The following GRM4 variants were observed in gnomAD, a reference collection of about 807,000 sequenced individuals.
GRM4 encodes glutamate metabotropic receptor 4, also known as metabotropic glutamate receptor 4.
Under a neutral mutation model 81.7 loss-of-function variants are expected in GRM4, and 28 were observed. The observed-to-expected ratio is 0.34, with a 90% CI of 0.25 to 0.47. The LOEUF (loss-of-function observed/expected upper bound fraction) is 0.47. GRM4 is among the 20% of genes least tolerant of loss of function. GRM4 has a pLI of 1.00. For synonymous variants in GRM4, 488 were observed against 528.8 expected (o/e 0.92, Z 1.06); for missense variants, 948 against 1,290.0 (o/e 0.73, Z 4.06).
At position 34,028,174 on chromosome 6, in the gene GRM4, A is replaced by C; in HGVS notation, c.2635T>G (p.Phe879Val). 1 of 1,614,034 alleles carries C rather than the reference A, an allele frequency of 6.2e-7. No homozygotes were observed. The highest frequency in any genetic ancestry group is 1.1e-5 in the South Asian group (1 of 91,090). ...GACTTGGCCTCTCCGTTGGGCCGGAAGTTGCCCTTCTGCGTGAACTTGTTG... is the reference window on the plus strand; with the variant it reads ...GACTTGGCCTCTCCGTTGGGCCGGACGTTGCCCTTCTGCGTGAACTTGTTG... ...MSNKFTQKGN[F>V]RPNGEAKSEL... The change falls in exon 10 of 11, where the codon TTC becomes GTC. Residue 879 changes from phenylalanine to valine, a missense_variant. By Grantham distance (50) the Phe-to-Val change is conservative. Coordinates refer to ENST00000538487, the MANE Select transcript of GRM4 (RefSeq NM_000841.4).
At chr6:34,145,350 G>A (rs1050744940) in intron 1 of GRM4, among the ~76,000 whole-genome samples, 1 of 152,102 alleles carries the variant, frequency 6.6e-6, no homozygotes, top group Non-Finnish European at 1.5e-5. Flanking sequence ...GCGAGCAAGC[G>A]AGAGGGAGAT....
At chr6:34,073,599 C>G (rs1374433908) in intron 3 of GRM4, among the ~76,000 whole-genome samples, 1 of 152,138 alleles carries the variant, frequency 6.6e-6, no homozygotes, top group Non-Finnish European at 1.5e-5. Context: ...CATGGCCAAC[C>G]CTGCTCCATT....
chr6:34,151,343 T>G (rs1233565077), intron 1 of GRM4, among the ~76,000 whole-genome samples: 1 of 152,328 alleles, frequency 6.6e-6, no homozygotes, highest in South Asian at 2.1e-4. Context: ...TCCCTGTCTC[T>G]TTTTTCTTAA....
Position 34,152,138 on chromosome 6 carries a change from C to T in GRM4, c.312+2941G>A, listed in dbSNP as rs114162049. Among the ~76,000 whole-genome samples, 720 of 152,254 alleles carry T rather than the reference C, an allele frequency of 4.7e-3. 7 individuals carry two copies. Among genetic ancestry groups the T allele is most frequent in the East Asian group, 0.015 (79 of 5,160 alleles). The stretch of plus-strand genomic sequence containing the variant: ...CCCCTCTGTCAATGTCCCCCTACCA[C>T]ACTCTAGCCTTGGTTCTACTTAGGA... On this transcript the variant is annotated intron_variant, in intron 1 of 8. Transcript: ENST00000374177. The surrounding 1 kb of genome is among the most constrained non-coding windows in gnomAD (Gnocchi z 4.1).
At chr6:34,124,072 G>C (rs1769922399) in intron 2 of GRM4, among the ~76,000 whole-genome samples, 1 of 152,210 alleles carries the variant, frequency 6.6e-6, no homozygotes, top group South Asian at 2.1e-4. Flanking sequence ...CCACTTTATA[G>C]GTGAGGAAAC....
intron 3 of GRM4, among the ~76,000 whole-genome samples, chr6:34,072,011 CAG>C (rs1477046284): frequency 8.7e-4 from 1 of 1,156 alleles, no homozygotes; most frequent in East Asian, 0.016. Context: ...ACACACCACA[CAG>C]AGACACACAC....
chr6:34,074,550 T>C lies in GRM4; in HGVS notation c.737-12522A>G, dbSNP rs1208043331. ...GCCGTCCCCTGCCAGGAGAGGAGGC[T>C]GCTGGGCGGCGCAGGCAGTGTGGCT... is the stretch of plus-strand genomic sequence containing the variant. On this transcript the variant is annotated intron_variant, in intron 3 of 10. Coordinates refer to ENST00000538487, the MANE Select transcript of GRM4 (RefSeq NM_000841.4). The surrounding 1 kb of genome is among the most constrained non-coding windows in gnomAD (Gnocchi z 4.9). Among the ~76,000 whole-genome samples the C allele has an allele frequency of 7.3e-6, 1 of 137,862 alleles. No homozygotes were observed. The highest frequency in any genetic ancestry group is 1.5e-5 in the Non-Finnish European group (1 of 65,366). The allele number at this position is 137,862 out of a possible 152,430, so 90.4% of individuals were successfully genotyped here.
At chr6:34,079,367 G>T (rs889947132) in intron 3 of GRM4, among the ~76,000 whole-genome samples, 1 of 152,096 alleles carries the variant, frequency 6.6e-6, no homozygotes, top group African/African-American at 2.4e-5. Context: ...CCCGACTCCT[G>T]CCTGGCCTTC....
intron 3 of GRM4, among the ~76,000 whole-genome samples, chr6:34,073,797 G>A (rs1217013050): frequency 6.6e-6 from 1 of 152,122 alleles, no homozygotes; most frequent in Non-Finnish European, 1.5e-5. Flanking sequence ...TTCCCACGGA[G>A]GCCCTGCGAG....
intron 2 of GRM4, among the ~76,000 whole-genome samples, chr6:34,107,528 C>T (rs144772108): frequency 2.0e-5 from 3 of 152,220 alleles, no homozygotes; most frequent in East Asian, 1.9e-4. Context: ...GATGAGAGCC[C>T]GGAACAAGGT....
intron 8 of GRM4, among the ~76,000 whole-genome samples, chr6:34,039,929 A>G (rs1043664945): frequency 2.6e-5 from 4 of 152,120 alleles, no homozygotes; most frequent in African/African-American, 9.7e-5. Flanking sequence ...GCAGGCAAGA[A>G]GGCCCCAGGC....
At chr6:34,087,566 G>C (rs939401391) in intron 3 of GRM4, among the ~76,000 whole-genome samples, 5 of 151,986 alleles carry the variant, frequency 3.3e-5, no homozygotes, top group African/African-American at 1.2e-4. Context: ...TCCAGCCCTG[G>C]TGATGCTGCA....
intron 3 of GRM4, among the ~76,000 whole-genome samples, chr6:34,082,603 A>C (rs1767662498): frequency 6.6e-6 from 1 of 152,228 alleles, no homozygotes; most frequent in Admixed American, 6.5e-5. Context: ...ACCAGAACTC[A>C]GCCCGCCTCC....
intron 3 of GRM4, among the ~76,000 whole-genome samples, chr6:34,067,214 G>A (rs545809609): frequency 6.4e-4 from 97 of 152,254 alleles, no homozygotes; most frequent in Non-Finnish European, 1.2e-3. Flanking sequence ...CAGTCTCTCC[G>A]TCCTTTCCAT....
In GRM4 at chr6:34,133,280, CCTT is replaced by C. The variant is rs1487342633; in HGVS notation, c.214_216del (p.Lys72del). On this transcript the variant is annotated inframe_deletion, in exon 2 of 11. Coordinates refer to ENST00000538487, the MANE Select transcript of GRM4 (RefSeq NM_000841.4). The surrounding 1 kb of genome is among the most constrained non-coding windows in gnomAD (Gnocchi z 6.5). ...GCCTCCAGCCGGTGGATGCCCTTTT[CCTT>C]CTTAAGTTCTCCACAGGGCTTGCCC... 1.2e-6 allele frequency: 2 copies of C among 1,614,044 alleles called. No individual in the cohort carries two copies. The highest frequency in any genetic ancestry group is 1.7e-6 in the Non-Finnish European group (2 of 1,180,032).
chr6:34,101,084 T>C (rs1768812528), intron 2 of GRM4, among the ~76,000 whole-genome samples: 1 of 152,192 alleles, frequency 6.6e-6, no homozygotes. Context: ...ATGACTCTTA[T>C]TTATTTCCAC....
intron 1 of GRM4, among the ~76,000 whole-genome samples, chr6:34,134,096 A>G (rs899879236): frequency 2.6e-5 from 4 of 152,148 alleles, no homozygotes; most frequent in African/African-American, 7.2e-5. Context: ...ACCCACTGCT[A>G]TCAGTAGCCC....
intron 1 of GRM4, among the ~76,000 whole-genome samples, chr6:34,154,365 A>C (rs968401918): frequency 1.3e-5 from 2 of 151,978 alleles, no homozygotes; most frequent in Non-Finnish European, 1.5e-5. Context: ...CGGCACCCAA[A>C]AGCCCCCTCC....
At chr6:34,150,762 G>C (rs1771029258), upstream of GRM4, among the ~76,000 whole-genome samples, 1 of 152,224 alleles carries the variant, frequency 6.6e-6, no homozygotes, top group South Asian at 2.1e-4. Flanking sequence ...CAGGAAAACT[G>C]CTTCTTCCTT....
Sources: gnomAD v4.1 joint callset for allele counts (sites outside exome capture counted in the v4.1 genomes callset) on GRCh38, gnomAD v4.1.1 for gene constraint, Gnocchi (gnomAD v3.1) non-coding constraint, MANE v1.5 for transcripts, NCBI Gene and HGNC (gene_info 2026-07-23, HGNC 2026-07-21) for gene names.